CDH17: variants seen among roughly 807,000 people sequenced by gnomAD.
CDH17 encodes cadherin 17, also known as cadherin-17.
CDH17 carries 67 observed loss-of-function variants against 86.3 expected under a neutral mutation model. The ratio of observed to expected loss-of-function variants is 0.78; its 90% CI spans 0.64 to 0.95. CDH17 has a LOEUF of 0.95. Among genes scored for constraint, CDH17 ranks in the 40% least tolerant of loss-of-function variants. CDH17 has a pLI of 0.00. For missense variants in CDH17, 993 were observed against 1,017.6 expected (o/e 0.98, Z 0.33); for synonymous variants, 367 against 366.4 (o/e 1.00, Z -0.02).
chr8:94,156,141 C>CGA (rs1563572616), intron 12 of CDH17, among the ~76,000 whole-genome samples: 1 of 152,148 alleles, frequency 6.6e-6, no homozygotes, highest in East Asian at 1.9e-4. Flanking sequence ...GCTCATACCA[C>CGA]GATTCCTTTT....
In CDH17 at chr8:94,146,017, T is replaced by C. The variant is rs143887440; in HGVS notation, c.2078A>G (p.Asp693Gly). The C allele has an allele frequency of 2.4e-4, 380 of 1,613,808 alleles. 1 individual carries two copies. The highest frequency in any genetic ancestry group is 2.8e-4 in the Non-Finnish European group (333 of 1,179,924). Residue 693 changes from aspartate to glycine, a missense_variant, in exon 15 of 18, where the codon GAT becomes GGT. Physicochemically the swap from Asp to Gly is moderately conservative, Grantham distance 94. Transcript: ENST00000027335. ...GGGACCCCGAAATAAGTGCTGATCA[T>C]CATCAGTAGCCTCGAAAATGAGACT... The part of the protein sequence containing the change: ...PGSLIFEATD[D>G]DQHLFRGPHF...
intron 2 of CDH17, among the ~76,000 whole-genome samples, chr8:94,192,360 G>C (rs1813704928): frequency 6.6e-6 from 1 of 152,222 alleles, no homozygotes; most frequent in Admixed American, 6.5e-5. Context: ...CTTGCACAAA[G>C]AGGTGAAAGG....
chr8:94,137,252 G>T (rs1371096991), intron 15 of CDH17, among the ~76,000 whole-genome samples: 2 of 152,192 alleles, frequency 1.3e-5, no homozygotes, highest in African/African-American at 4.8e-5. Context: ...CCATAGAAAT[G>T]GAGTCTATAG....
intron 7 of CDH17, among the ~76,000 whole-genome samples, chr8:94,173,224 T>C (rs1018053811): frequency 2.6e-5 from 4 of 152,160 alleles, no homozygotes; most frequent in Non-Finnish European, 5.9e-5. Context: ...CCAAATCTCA[T>C]GTTGAAACGT....
intron 1 of CDH17, 60 bp from the exon 2 acceptor site, chr8:94,194,765 C>T: frequency 2.3e-6 from 2 of 883,248 alleles, no homozygotes; most frequent in Non-Finnish European, 3.7e-6. Context: ...CATGTCTTTC[C>T]AATCAGTAAG....
At chr8:94,212,277 T>A (rs554364146), upstream of CDH17, among the ~76,000 whole-genome samples, 6 of 152,264 alleles carry the variant, frequency 3.9e-5, no homozygotes, top group Middle Eastern at 3.4e-3. Flanking sequence ...CACCTAAGCC[T>A]CCCAAGTAGC....
intron 15 of CDH17, among the ~76,000 whole-genome samples, chr8:94,134,233 C>T (rs56135674): frequency 0.21 from 31,866 of 152,144 alleles, 3,851 homozygotes; most frequent in African/African-American, 0.31. Flanking sequence ...AGGAATGATA[C>T]CAGCTCTTCT....
At chr8:94,175,766 G>A (rs940120592) in intron 5 of CDH17, among the ~76,000 whole-genome samples, 10 of 152,106 alleles carry the variant, frequency 6.6e-5, no homozygotes, top group African/African-American at 1.9e-4. Context: ...GAAGAAAAGA[G>A]CTGGAAACCA....
Position 94,170,511 on chromosome 8 carries a change from TTCCGTACTCA to T in CDH17, c.942_951del (p.Asp314GlufsTer12). 6.2e-7 allele frequency: 1 copy of T among 1,613,946 alleles called. No individual in the cohort carries two copies. The highest frequency in any genetic ancestry group is 8.5e-7 in the Non-Finnish European group (1 of 1,179,896). ...ATTTCCAGCGGATATGAAAGTGGTTTTCCGTACTCATCCTTTGCAACTGCATAAAAAACAT... is the reference window on the plus strand; with the variant it reads ...ATTTCCAGCGGATATGAAAGTGGTTTTCCTTTGCAACTGCATAAAAAACAT... On this transcript the variant is annotated frameshift_variant, in exon 9 of 18. Coordinates refer to ENST00000027335, the MANE Select transcript of CDH17 (RefSeq NM_004063.4). LOFTEE classifies it high-confidence loss of function.
chr8:94,199,077 ATATATATTT>A (rs1235110883), intron 1 of CDH17, among the ~76,000 whole-genome samples: 137 of 8,684 alleles, frequency 0.016, no homozygotes, highest in Non-Finnish European at 0.032. Context: ...ATATATATAT[ATATATATTT>A]TTTTTTTTTT....
chr8:94,141,069 A>G (rs1370260770), intron 15 of CDH17, among the ~76,000 whole-genome samples: 1 of 152,154 alleles, frequency 6.6e-6, no homozygotes, highest in East Asian at 1.9e-4. Context: ...AGATGCAAAA[A>G]TTAAGTTTTA....
rs139106576 is a variant in CDH17 at position 94,201,448 on chromosome 8, C to T, written c.-20-6743G>A. On this transcript the variant is annotated intron_variant, in intron 1 of 17. Transcript: ENST00000027335. The stretch of plus-strand genomic sequence containing the variant: ...GGCTCTAATCCACAATGACTGATGT[C>T]CTTCTAAGAAGAGATTTGGAGACAG... 4.9e-3 allele frequency among the ~76,000 whole-genome samples: 744 copies of T among 152,180 alleles called. 7 individuals carry two copies. Among genetic ancestry groups the T allele is most frequent in the Middle Eastern group, 0.014 (4 of 294 alleles).
At chr8:94,201,874 T>A (rs1813920911) in intron 1 of CDH17, 1 of 154,334 alleles carries the variant, frequency 6.5e-6, no homozygotes, top group South Asian at 2.0e-4. Flanking sequence ...CATTCATTTA[T>A]TTTTTTTTAG....
At chr8:94,146,278 A>G (rs961174042) in intron 14 of CDH17, 111 bp from the exon 15 acceptor site, 1 of 953,064 alleles carries the variant, frequency 1.0e-6, no homozygotes, top group East Asian at 3.0e-5. Context: ...AGATGCTAGA[A>G]AGACGACAAG....
In CDH17 at chr8:94,194,528, G is replaced by A. The variant is rs1053278206; in HGVS notation, c.51+107C>T. 10 of 757,518 alleles carry A rather than the reference G, an allele frequency of 1.3e-5. No homozygotes were observed. The African/African-American group carries it at 1.8e-4, about 14-fold the overall frequency. The allele number at this position is 757,518 out of a possible 1,614,324, so 46.9% of individuals were successfully genotyped here. A position where few individuals can be genotyped will look rare whatever the true frequency, so the allele number is the denominator to read the frequency against. ...CTATACAACAACTTAATTTTGATAG[G>A]TCATCTTTTTTTAAGTAATAATAGC... On this transcript the variant is annotated intron_variant, in intron 2 of 17. Coordinates refer to ENST00000027335, the MANE Select transcript of CDH17 (RefSeq NM_004063.4).
chr8:94,210,281 G>A (rs978357085), upstream of CDH17, among the ~76,000 whole-genome samples: 3 of 141,548 alleles, frequency 2.1e-5, no homozygotes, highest in Non-Finnish European at 4.6e-5. Context: ...CCCTGCATGA[G>A]CCCATTCCTG....
intron 12 of CDH17, among the ~76,000 whole-genome samples, chr8:94,158,312 A>C (rs559288191): frequency 1.3e-5 from 2 of 152,284 alleles, no homozygotes; most frequent in African/African-American, 4.8e-5. Context: ...CTACTGTAGC[A>C]TACCTCTCGT....
chr8:94,187,288 C>A (rs1406158101), intron 3 of CDH17, among the ~76,000 whole-genome samples: 1 of 152,252 alleles, frequency 6.6e-6, no homozygotes, highest in African/African-American at 2.4e-5. Flanking sequence ...AGTTTACCCT[C>A]TGCCCCCTCC....
At position 94,200,600 on chromosome 8, in the gene CDH17, G is replaced by A. The variant is rs1002125987; in HGVS notation, c.-20-5895C>T. On this transcript the variant is annotated intron_variant, in intron 1 of 17. Transcript: ENST00000027335. ...AAAGGAGTTTTGAAAAGAAGGCCTC[G>A]GTTCCCAAACTGTGGCTGCCCCTCA... Among the ~76,000 whole-genome samples, 13 of 124,004 alleles carry A rather than the reference G, an allele frequency of 1.0e-4. No homozygotes were observed. In the South Asian group the frequency reaches 1.3e-3, roughly 12 times the overall value. The allele number at this position is 124,004 out of a possible 152,430, so 81.4% of individuals were successfully genotyped here. A position where few individuals can be genotyped will look rare whatever the true frequency, so the allele number is the denominator to read the frequency against.
Sources: allele counts gnomAD v4.1 joint callset (sites outside exome capture counted in the v4.1 genomes callset), GRCh38; gene constraint gnomAD v4.1.1; transcripts MANE v1.5; gene names NCBI Gene and HGNC (gene_info 2026-07-23, HGNC 2026-07-21).